Variants in ANKH observed in about 807,000 individuals in gnomAD.
The protein encoded by ANKH is mineralization regulator ANKH.
Under a neutral mutation model 49.0 loss-of-function variants are expected in ANKH, and 15 were observed. The observed-to-expected ratio is 0.31, with a 90% CI of 0.20 to 0.47. The LOEUF is 0.47. ANKH is among the 20% of genes least tolerant of loss of function. The pLI, the probability that ANKH is intolerant of heterozygous loss-of-function variation, is 1.00. For missense variants in ANKH, 429 were observed against 652.0 expected (o/e 0.66, Z 3.72); for synonymous variants, 273 against 260.0 (o/e 1.05, Z -0.48).
intron 1 of ANKH, among the ~76,000 whole-genome samples, chr5:14,833,705 G>T (rs996827415): frequency 1.3e-5 from 2 of 152,318 alleles, no homozygotes; most frequent in African/African-American, 4.8e-5. Context: ...GGGCCTGAGG[G>T]AAGTGAGCCA....
rs933511160 is a variant in ANKH at position 14,708,291 on chromosome 5, T to C, written c.*2906A>G. 2.0e-5 allele frequency: 3 copies of C among 152,210 alleles called. No homozygotes were observed. Among genetic ancestry groups the C allele is most frequent in the Non-Finnish European group, 4.4e-5 (3 of 68,036 alleles). The allele number at this position is 152,210 out of a possible 1,614,324, so 9.4% of individuals were successfully genotyped here. ...TCTCAGCATCTAAATGAAAAACTAC[T>C]TCATGGCCTTGTATTTTTAGATTGT... On this transcript the variant is annotated 3_prime_UTR_variant, in exon 12 of 12. Coordinates refer to ENST00000284268, the MANE Select transcript of ANKH (RefSeq NM_054027.6).
At chr5:14,760,322 T>C (rs1739036003) in intron 2 of ANKH, among the ~76,000 whole-genome samples, 1 of 152,026 alleles carries the variant, frequency 6.6e-6, no homozygotes. Context: ...GATCAGAAGC[T>C]GTGCAGAGAT....
chr5:14,747,757 C>T (rs1465252836), intron 6 of ANKH, among the ~76,000 whole-genome samples: 1 of 152,126 alleles, frequency 6.6e-6, no homozygotes, highest in African/African-American at 2.4e-5. Context: ...TGAGGCAAAT[C>T]CCCAGCAATG....
intron 8 of ANKH, among the ~76,000 whole-genome samples, chr5:14,720,821 A>G (rs1445923162): frequency 6.6e-6 from 1 of 152,248 alleles, no homozygotes; most frequent in Non-Finnish European, 1.5e-5. Flanking sequence ...AAATGTTGCA[A>G]TTCTCTAGGC....
chr5:14,793,037 A>AATATATATAT (rs1267380844), intron 1 of ANKH, among the ~76,000 whole-genome samples: 594 of 56,090 alleles, frequency 0.011, 10 homozygotes, highest in East Asian at 0.09. Context: ...TATATATAAA[A>AATATATATAT]ATATATATAT....
chr5:14,827,608 C>A (rs1741381217), intron 1 of ANKH, among the ~76,000 whole-genome samples: 1 of 152,216 alleles, frequency 6.6e-6, no homozygotes, highest in South Asian at 2.1e-4. Flanking sequence ...CCAGGTATCT[C>A]ATCAGGTAGC....
At chr5:14,822,460 C>G (rs1741222119) in intron 1 of ANKH, among the ~76,000 whole-genome samples, 1 of 152,168 alleles carries the variant, frequency 6.6e-6, no homozygotes, top group South Asian at 2.1e-4. Context: ...GAATATTTCA[C>G]ACTTCAGAAA....
chr5:14,867,140 A>C (rs1351772923), intron 1 of ANKH, among the ~76,000 whole-genome samples: 1 of 144,048 alleles, frequency 6.9e-6, no homozygotes, highest in East Asian at 2.2e-4. Context: ...CTGGGCAACA[A>C]GTGAGACTCA....
At chr5:14,860,797 G>A (rs2642681) in intron 1 of ANKH, among the ~76,000 whole-genome samples, 12,321 of 152,076 alleles carry the variant, frequency 0.081, 958 homozygotes, top group African/African-American at 0.21. Flanking sequence ...GTCTTGCTGT[G>A]ACGCCCAGGC....
At position 14,769,093 on chromosome 5, in the gene ANKH, G is replaced by A; in HGVS notation, c.195C>T (p.Pro65=). 1 of 1,614,160 alleles carries A rather than the reference G, an allele frequency of 6.2e-7. No individual in the cohort carries two copies. Among genetic ancestry groups the A allele is most frequent in the Middle Eastern group, 1.6e-4 (1 of 6,062 alleles). The change falls in exon 2 of 12, where the codon CCC becomes CCT. Residue 65 remains proline (P), a synonymous_variant. Coordinates refer to ENST00000284268, the MANE Select transcript of ANKH (RefSeq NM_054027.6). ...GGCCCACATTTTTGAAGTCACTCATGGGACCCGTGAAGAACTTCATGAGGG... is the reference window on the plus strand; with the variant it reads ...GGCCCACATTTTTGAAGTCACTCATAGGACCCGTGAAGAACTTCATGAGGG... ...AYSLMKFFTG[P]MSDFKNVGLV...
intron 2 of ANKH, among the ~76,000 whole-genome samples, chr5:14,764,100 A>AAATAAATAAAAATT (rs1739183364): frequency 1.3e-5 from 2 of 152,266 alleles, no homozygotes; most frequent in Admixed American, 1.3e-4. Context: ...AAATAAAAAT[A>AAATAAATAAAAATT]AAAAAAGTGA....
chr5:14,733,887 G>A (rs1738084383), intron 8 of ANKH, among the ~76,000 whole-genome samples: 1 of 152,206 alleles, frequency 6.6e-6, no homozygotes, highest in African/African-American at 2.4e-5. Flanking sequence ...GGGAGTGTCT[G>A]GACTAAGCGC....
chr5:14,742,589 G>C (rs1378162748), intron 7 of ANKH, among the ~76,000 whole-genome samples: 1 of 152,054 alleles, frequency 6.6e-6, no homozygotes, highest in Non-Finnish European at 1.5e-5. Context: ...CTCCAAGCTG[G>C]GCCCCACCTC....
At chr5:14,731,122 G>A (rs544489489) in intron 8 of ANKH, among the ~76,000 whole-genome samples, 1 of 152,244 alleles carries the variant, frequency 6.6e-6, no homozygotes, top group Admixed American at 6.5e-5. Flanking sequence ...TCCTCCGGGG[G>A]CAGCGGCCAG....
intron 8 of ANKH, among the ~76,000 whole-genome samples, chr5:14,718,407 T>C (rs1414640824): frequency 6.6e-6 from 1 of 150,870 alleles, no homozygotes; most frequent in Non-Finnish European, 1.5e-5. Flanking sequence ...GAAACAAAGA[T>C]AATACAGAAA....
chr5:14,718,835 C>CG (rs199630780), intron 8 of ANKH, among the ~76,000 whole-genome samples: 3 of 144,490 alleles, frequency 2.1e-5, no homozygotes, highest in Non-Finnish European at 3.0e-5. Flanking sequence ...CACCACCCCC[C>CG]CCCCAAAAAA....
At chr5:14,858,963 C>G (rs183249660) in intron 1 of ANKH, among the ~76,000 whole-genome samples, 9 of 151,822 alleles carry the variant, frequency 5.9e-5, no homozygotes. Flanking sequence ...GGGAGATCCT[C>G]TTCAAATACC....
intron 1 of ANKH, among the ~76,000 whole-genome samples, chr5:14,863,231 T>G (rs750960364): frequency 1.1e-4 from 16 of 152,096 alleles, no homozygotes; most frequent in Admixed American, 1.3e-4. Flanking sequence ...AAATTTTTTT[T>G]AAACCCTACC....
At chr5:14,788,096 T>C (rs1397015887) in intron 1 of ANKH, 1 of 152,342 alleles carries the variant, frequency 6.6e-6, no homozygotes, top group African/African-American at 2.4e-5. Context: ...AGAAGGCTTC[T>C]TGGAGCCCTA....
Sources: allele counts gnomAD v4.1 joint callset (sites outside exome capture counted in the v4.1 genomes callset), GRCh38; gene constraint gnomAD v4.1.1; transcripts MANE v1.5; gene names NCBI Gene and HGNC (gene_info 2026-07-23, HGNC 2026-07-21).